Variants in HEXD observed in about 807,000 individuals in gnomAD.
HEXD encodes N-acetyl-beta-galactosaminidase.
Under a neutral mutation model 54.2 loss-of-function variants are expected in HEXD, and 47 were observed. The ratio of observed to expected loss-of-function variants is 0.87; its 90% CI spans 0.69 to 1.11. The LOEUF (loss-of-function observed/expected upper bound fraction) is 1.11, where lower values mean the gene tolerates loss of function less well. Ranked by LOEUF, HEXD falls within the 50% of genes least tolerant of loss-of-function variation. The pLI, the probability that HEXD is intolerant of heterozygous loss-of-function variation, is 0.00. For synonymous variants in HEXD, 293 were observed against 287.6 expected (o/e 1.02, Z -0.19); for missense variants, 576 against 649.2 (o/e 0.89, Z 1.23).
chr17:82,439,958 C>G, intron 9 of HEXD: 1 of 1,495,220 alleles, frequency 6.7e-7, no homozygotes. Context: ...AGGCACCCCT[C>G]AGACACAGTG....
intron 2 of HEXD, among the ~76,000 whole-genome samples, chr17:82,421,816 A>T (rs2053242309): frequency 6.6e-6 from 1 of 151,866 alleles, no homozygotes; most frequent in African/African-American, 2.4e-5. Flanking sequence ...ACAGAGCAAG[A>T]CACCATCTCA....
intron 5 of HEXD, among the ~76,000 whole-genome samples, 194 bp from the exon 6 acceptor site, chr17:82,435,495 C>A (rs1380498911): frequency 6.6e-6 from 1 of 152,170 alleles, no homozygotes; most frequent in South Asian, 2.1e-4. Flanking sequence ...TCACAGGAAA[C>A]CTTGAGTAGA....
chr17:82,424,709 AT>A (rs2053346474), intron 3 of HEXD, among the ~76,000 whole-genome samples: 1 of 152,262 alleles, frequency 6.6e-6, no homozygotes, highest in African/African-American at 2.4e-5. Context: ...ACTGGAGAGA[AT>A]TTTGAAACAT....
intron 3 of HEXD, chr17:82,427,135 CAA>C (rs1177720479): frequency 1.7e-4 from 16 of 96,126 alleles, no homozygotes; most frequent in Middle Eastern, 6.3e-3. Flanking sequence ...GACTCCGTCT[CAA>C]AAAAAAAAAA....
intron 4 of HEXD, among the ~76,000 whole-genome samples, chr17:82,433,088 AAAAATATATATATATATATATATATAT>A (rs2053633757): frequency 6.1e-5 from 1 of 16,486 alleles, no homozygotes; most frequent in South Asian, 3.0e-3. Flanking sequence ...AAAAAAAAAA[AAAAATATATATATATATATATATATAT>A]ATATATATAT....
chr17:82,440,199 G>A lies in HEXD; in HGVS notation c.982+486G>A, dbSNP rs745401212. The A allele has an allele frequency of 2.7e-5, 35 of 1,289,362 alleles. No homozygotes were observed. In the South Asian group the frequency reaches 4.1e-4, roughly 15 times the overall value. 79.9% of individuals were successfully genotyped at this position (1,289,362 alleles called of 1,614,324 possible). A position where few individuals can be genotyped will look rare whatever the true frequency, so the allele number is the denominator to read the frequency against. On this transcript the variant is annotated intron_variant, in intron 9 of 12. Transcript: ENST00000327949. ...GGGTCGGCAGGGGGCTTGGCCAGAG[G>A]AGCTGTGTGTGTGGAAACTCGCAGG...
At chr17:82,432,827 G>T (rs1294888124) in intron 4 of HEXD, among the ~76,000 whole-genome samples, 2 of 151,522 alleles carry the variant, frequency 1.3e-5, no homozygotes, top group Admixed American at 1.3e-4. Context: ...ACTTTGGGAG[G>T]CCAAGGCGGG....
rs543564927 is a variant in HEXD, at chr17:82,441,041, G to A, written c.1027G>A (p.Gly343Arg). The A allele has an allele frequency of 9.3e-6, 15 of 1,613,466 alleles. No homozygotes were observed. The highest frequency in any genetic ancestry group is 4.0e-5 in the African/African-American group (3 of 74,928). Residue 343 changes from glycine to arginine, a missense_variant, in exon 10 of 13, where the codon GGG becomes AGG. Transcript: ENST00000327949. ...DVKAKVENLL[G>R]ISSLEKTDPV... The stretch of plus-strand genomic sequence containing the variant: ...TAAAGCGAAAGTGGAGAACCTTCTC[G>A]GGATTTCCAGCCTGGAAAAAACGGA...
chr17:82,425,051 C>G (rs1349828222), intron 3 of HEXD, among the ~76,000 whole-genome samples: 1 of 142,252 alleles, frequency 7.0e-6, no homozygotes, highest in Non-Finnish European at 1.5e-5. Context: ...CTGGAGGAGG[C>G]CAGAGAAGGC....
Position 82,431,106 on chromosome 17 carries a change from G to C in HEXD, c.282+2461G>C, listed in dbSNP as rs145159445. ...CTGAGCTTCTGGGCTCAAGCTTCTG[G>C]GCTCAAGCACCTCAGCCTCCTGAGT... is the stretch of plus-strand genomic sequence containing the variant. On this transcript the variant is annotated intron_variant, in intron 4 of 12. Transcript: ENST00000327949. Among the ~76,000 whole-genome samples the C allele has an allele frequency of 4.0e-3, 608 of 151,022 alleles. 9 individuals are homozygous for C. Among genetic ancestry groups the C allele is most frequent in the African/African-American group, 0.014 (583 of 41,164 alleles).
intron 2 of HEXD, among the ~76,000 whole-genome samples, chr17:82,423,057 C>CA (rs369017189): frequency 0.037 from 4,663 of 126,720 alleles, 174 homozygotes; most frequent in East Asian, 0.18. Context: ...AACTCCATCT[C>CA]AAAAAAAAAA....
chr17:82,442,154 G>C lies in HEXD; in HGVS notation c.1254-23G>C, dbSNP rs370091513. 6.3e-7 allele frequency: 1 copy of C among 1,587,022 alleles called. No individual in the cohort carries two copies. Among genetic ancestry groups the C allele is most frequent in the Non-Finnish European group, 8.5e-7 (1 of 1,169,784 alleles). On this transcript the variant is annotated intron_variant, in intron 12 of 12. Transcript: ENST00000327949. The surrounding 1 kb of genome is among the most constrained non-coding windows in gnomAD (Gnocchi z 6.8). ...CAAGTCCCAAGTGTGCAGACTGTGC[G>C]TTCATGGCGCCCTCACCTGCAGCCT...
In HEXD at chr17:82,441,273, G is replaced by A. The variant is rs772359285; in HGVS notation, c.1163+7G>A. On this transcript the variant is annotated splice_region_variant and intron_variant, in intron 11 of 12. Coordinates refer to ENST00000327949, the MANE Select transcript of HEXD (RefSeq NM_001330542.2). ...CGCTGCTGGAGGGCAACAGGTGAGC[G>A]TGTGGGTTAGGGGCAGGTGTGGGTG... The A allele has an allele frequency of 2.3e-5, 37 of 1,609,466 alleles. No homozygotes were observed. Among genetic ancestry groups the A allele is most frequent in the Middle Eastern group, 1.7e-4 (1 of 5,984 alleles).
intron 2 of HEXD, 42 bp downstream of exon 2, chr17:82,419,925 T>G (rs1567880229): frequency 7.4e-7 from 1 of 1,352,336 alleles, no homozygotes; most frequent in Non-Finnish European, 1.1e-6. Flanking sequence ...CTTTTTGCCT[T>G]GGCTTCATTC....
intron 1 of HEXD, 148 bp from the exon 2 acceptor site, chr17:82,419,600 TC>T (rs1420755707): frequency 2.1e-6 from 1 of 484,138 alleles, no homozygotes; most frequent in Non-Finnish European, 3.7e-6. Flanking sequence ...GAGGTAGACT[TC>T]CAGTTCATTT....
intron 3 of HEXD, chr17:82,426,161 GCTTACAGGCTGGGGTA>G (rs2053407961): frequency 6.6e-6 from 1 of 152,578 alleles, no homozygotes; most frequent in African/African-American, 2.4e-5. Flanking sequence ...GCCCACCGCC[GCTTACAGGCTGGGGTA>G]CTTACAGGCC....
Position 82,438,293 on chromosome 17 carries a change from G to A in HEXD, c.899+930G>A, listed in dbSNP as rs186641825. ...AAAGAAAACTGTCCTGGACATTTCA[G>A]TGTGTAGCCTATGGAAGCCTAACTC... On this transcript the variant is annotated intron_variant, in intron 8 of 12. Coordinates refer to ENST00000327949, the MANE Select transcript of HEXD (RefSeq NM_001330542.2). Among the ~76,000 whole-genome samples the A allele has an allele frequency of 3.9e-5, 6 of 152,320 alleles. No homozygotes were observed. In the East Asian group the frequency reaches 9.6e-4, roughly 24 times the overall value.
Position 82,433,832 on chromosome 17 carries a change from G to A in HEXD, c.447+10G>A, listed in dbSNP as rs2143553659. ...CATCGGGTGTGATGAGGTGGGTACT[G>A]TCACCCCAGCTCTGTGCAGGACACT... On this transcript the variant is annotated intron_variant, in intron 5 of 12. Transcript: ENST00000327949. 2 of 1,608,928 alleles carry A rather than the reference G, an allele frequency of 1.2e-6. No individual in the cohort carries two copies. Among genetic ancestry groups the A allele is most frequent in the Non-Finnish European group, 1.7e-6 (2 of 1,177,740 alleles).
chr17:82,424,963 A>T (rs1259559917), intron 3 of HEXD, among the ~76,000 whole-genome samples: 2 of 148,926 alleles, frequency 1.3e-5, no homozygotes, highest in Non-Finnish European at 3.0e-5. Context: ...GGACTACAGA[A>T]GGTTAGAGAA....
Sources: allele counts gnomAD v4.1 joint callset (sites outside exome capture counted in the v4.1 genomes callset), GRCh38; gene constraint gnomAD v4.1.1; non-coding constraint Gnocchi (gnomAD v3.1); transcripts MANE v1.5; gene names NCBI Gene and HGNC (gene_info 2026-07-23, HGNC 2026-07-21).